SIRPG: variants seen among roughly 807,000 people sequenced by gnomAD.
SIRPG encodes signal-regulatory protein gamma.
SIRPG carries 38 observed loss-of-function variants against 35.7 expected under a neutral mutation model. The observed-to-expected ratio is 1.06, with a 90% CI of 0.82 to 1.40. The LOEUF (loss-of-function observed/expected upper bound fraction) is 1.40. Among genes scored for constraint, SIRPG ranks in the 40% most tolerant of loss-of-function variants. SIRPG has a pLI of 0.00. For synonymous variants in SIRPG, 215 were observed against 190.4 expected (o/e 1.13, Z -1.06); for missense variants, 519 against 483.0 (o/e 1.07, Z -0.70).
intron 2 of SIRPG, among the ~76,000 whole-genome samples, chr20:1,641,665 A>G (rs1216566629): frequency 6.6e-6 from 1 of 151,764 alleles, no homozygotes; most frequent in Non-Finnish European, 1.5e-5. Context: ...GCTTCTCTAG[A>G]TCTTTTAATT....
At chr20:1,655,009 A>G (rs1483889119) in intron 1 of SIRPG, among the ~76,000 whole-genome samples, 1 of 152,246 alleles carries the variant, frequency 6.6e-6, no homozygotes, top group Non-Finnish European at 1.5e-5. Flanking sequence ...AAGAATGGCT[A>G]TTATCAAAAA....
intron 4 of SIRPG, chr20:1,630,555 C>G (rs2091741923): frequency 2.2e-6 from 1 of 450,036 alleles, no homozygotes; most frequent in Non-Finnish European, 3.9e-6. Flanking sequence ...GGTGTGTACT[C>G]AGGTATTCAT....
At chr20:1,669,914 C>T in the SIRPG span, 3 of 195,458 alleles carry the variant, frequency 1.5e-5, no homozygotes, top group East Asian at 3.8e-4. Flanking sequence ...AGTAACCTCA[C>T]CAAGGGTGGC....
At position 1,629,170 on chromosome 20, in the gene SIRPG, T is replaced by C. The variant is rs940161303; in HGVS notation, c.*469A>G. ...ACAAAGAGGAAGGATAATCTTTTTA[T>C]TTTCTTAAAACCACTTTGGGAGTGC... is the stretch of plus-strand genomic sequence containing the variant. On this transcript the variant is annotated 3_prime_UTR_variant, in exon 6 of 6. Transcript: ENST00000303415. 1.3e-5 allele frequency: 2 copies of C among 152,162 alleles called. No individual in the cohort carries two copies. Among genetic ancestry groups the C allele is most frequent in the Non-Finnish European group, 2.9e-5 (2 of 68,042 alleles). The allele number at this position is 152,162 out of a possible 1,614,324, so 9.4% of individuals were successfully genotyped here. A position where few individuals can be genotyped will look rare whatever the true frequency, so the allele number is the denominator to read the frequency against.
intron 4 of SIRPG, among the ~76,000 whole-genome samples, chr20:1,633,963 A>G (rs1483303436): frequency 1.3e-5 from 2 of 152,202 alleles, no homozygotes; most frequent in African/African-American, 4.8e-5. Context: ...TTGAACCAAT[A>G]ACCCGATCTA....
intron 2 of SIRPG, among the ~76,000 whole-genome samples, chr20:1,638,756 C>G (rs559104187): frequency 2.0e-3 from 301 of 151,320 alleles, no homozygotes; most frequent in Non-Finnish European, 2.8e-3. Context: ...TGTCCTAATG[C>G]TCTCCTTCCC....
At chr20:1,637,715 T>C (rs2091815446) in intron 2 of SIRPG, 2 of 152,192 alleles carry the variant, frequency 1.3e-5, no homozygotes, top group African/African-American at 4.8e-5. Context: ...CCAAAAACAA[T>C]GATCACTGAG....
At chr20:1,660,759 G>A (rs2091993852), upstream of SIRPG, among the ~76,000 whole-genome samples, 1 of 152,192 alleles carries the variant, frequency 6.6e-6, no homozygotes, top group Admixed American at 6.5e-5. Context: ...ATTTCACCCT[G>A]ACTCATCACA....
At chr20:1,676,955 C>G in the SIRPG span, 1 of 154,342 alleles carries the variant, frequency 6.5e-6, no homozygotes, top group Non-Finnish European at 1.5e-5. Flanking sequence ...TCATGTGTAT[C>G]AAAGACTTTC....
rs201051307 is a variant in SIRPG at position 1,635,380 on chromosome 20, T to C, written c.968A>G (p.Asp323Gly). 6.0e-5 allele frequency: 97 copies of C among 1,614,058 alleles called. No individual in the cohort carries two copies. Among genetic ancestry groups the C allele is most frequent in the Non-Finnish European group, 7.7e-5 (91 of 1,180,046 alleles). ...WFLVNISDQR[D>G]DVVLTCQVKH... ...CACCTGGCAGGTGAGGACCACATCA[T>C]CCCTTTGGTCAGATATGTTCACCAG... The change falls in exon 4 of 6, where the codon GAT becomes GGT. Residue 323 changes from aspartate to glycine, a missense_variant. Physicochemically the swap from Asp to Gly is moderately conservative, Grantham distance 94. Coordinates refer to ENST00000303415, the MANE Select transcript of SIRPG (RefSeq NM_018556.4).
intron 2 of SIRPG, among the ~76,000 whole-genome samples, chr20:1,641,095 C>G (rs1307186200): frequency 4.6e-5 from 7 of 152,252 alleles, no homozygotes; most frequent in Non-Finnish European, 7.4e-5. Context: ...CTCTGCCAGG[C>G]TTTGGCATCA....
At chr20:1,684,329 T>C in the SIRPG span, among the ~76,000 whole-genome samples, 1 of 152,156 alleles carries the variant, frequency 6.6e-6, no homozygotes, top group Non-Finnish European at 1.5e-5. Context: ...GACATTTCAT[T>C]GCAAATAAAA....
rs535349910 is a variant in SIRPG at position 1,652,612 on chromosome 20, T to C, written c.74-3204A>G. 2.8e-3 allele frequency among the ~76,000 whole-genome samples: 431 copies of C among 152,278 alleles called. 2 individuals carry two copies. Among genetic ancestry groups the C allele is most frequent in the African/African-American group, 9.9e-3 (410 of 41,552 alleles). On this transcript the variant is annotated intron_variant, in intron 1 of 5. Coordinates refer to ENST00000303415, the MANE Select transcript of SIRPG (RefSeq NM_018556.4). ...TTATAGAATAAATAGAAAAAACACATGATCATCTATTTTGATGCAGAAAAG... is the reference window on the plus strand; with the variant it reads ...TTATAGAATAAATAGAAAAAACACACGATCATCTATTTTGATGCAGAAAAG...
At position 1,649,366 on chromosome 20, in the gene SIRPG, T is replaced by G; in HGVS notation, c.116A>C (p.Lys39Thr). 1 of 1,613,470 alleles carries G rather than the reference T, an allele frequency of 6.2e-7. No homozygotes were observed. Among genetic ancestry groups the G allele is most frequent in the Non-Finnish European group, 8.5e-7 (1 of 1,179,660 alleles). The change falls in exon 2 of 6, where the codon AAG becomes ACG. Residue 39 changes from lysine to threonine, a missense_variant. Transcript: ENST00000303415. ...CTTTCCAACTGTGACCAACAGGAGCTTCTCAGGCTGAATCATCTGTAGCTC... is the reference window on the plus strand; with the variant it reads ...CTTTCCAACTGTGACCAACAGGAGCGTCTCAGGCTGAATCATCTGTAGCTC... ...EEELQMIQPE[K>T]LLLVTVGKTA...
chr20:1,658,806 C>T (rs1189510951), upstream of SIRPG, among the ~76,000 whole-genome samples: 1 of 152,130 alleles, frequency 6.6e-6, no homozygotes, highest in Non-Finnish European at 1.5e-5. Context: ...TGCTGAGTTG[C>T]CCACCAGTGG....
At chr20:1,675,084 G>A in the SIRPG span, among the ~76,000 whole-genome samples, 19 of 152,222 alleles carry the variant, frequency 1.2e-4, no homozygotes, top group South Asian at 8.3e-4. Context: ...CTGGGTGCCC[G>A]GGCCCAGATA....
chr20:1,649,077 T>A lies in SIRPG; in HGVS notation c.405A>T (p.Gly135=). Residue 135 remains glycine, a synonymous_variant, in exon 2 of 6, where the codon GGA becomes GGT. Coordinates refer to ENST00000303415, the MANE Select transcript of SIRPG (RefSeq NM_018556.4). ...CACCCAAAGCCATCTCAGTGCCTGGTCCAGACTTAAACTCCACGTTCTCAG... is the reference window on the plus strand; with the variant it reads ...CACCCAAAGCCATCTCAGTGCCTGGACCAGACTTAAACTCCACGTTCTCAG... The part of the protein sequence containing the change: ...GSPENVEFKS[G]PGTEMALGAK... 3.1e-6 allele frequency: 5 copies of A among 1,613,902 alleles called. No homozygotes were observed. Among genetic ancestry groups the A allele is most frequent in the Non-Finnish European group, 4.2e-6 (5 of 1,179,824 alleles).
intron 4 of SIRPG, among the ~76,000 whole-genome samples, chr20:1,632,240 T>C (rs781305414): frequency 6.6e-6 from 1 of 151,992 alleles, no homozygotes; most frequent in Non-Finnish European, 1.5e-5. Context: ...CCAAATCAAA[T>C]AAAAAATGAA....
At chr20:1,632,364 C>G (rs187405690) in intron 4 of SIRPG, among the ~76,000 whole-genome samples, 1 of 152,302 alleles carries the variant, frequency 6.6e-6, no homozygotes, top group East Asian at 1.9e-4. Flanking sequence ...AGTGCACAGT[C>G]TCTTACCCGG....
Sources: allele counts gnomAD v4.1 joint callset (sites outside exome capture counted in the v4.1 genomes callset), GRCh38; gene constraint gnomAD v4.1.1; transcripts MANE v1.5; gene names NCBI Gene and HGNC (gene_info 2026-07-23, HGNC 2026-07-21).